CABLES1: variants seen among roughly 807,000 people sequenced by gnomAD.
CABLES1 encodes the protein CDK5 and ABL1 enzyme substrate 1.
Under a neutral mutation model 57.8 loss-of-function variants are expected in CABLES1, and 36 were observed. The ratio of observed to expected loss-of-function variants is 0.62; its 90% CI spans 0.48 to 0.82. The LOEUF is 0.82. Among genes scored for constraint, CABLES1 ranks in the 40% least tolerant of loss-of-function variants. CABLES1 has a pLI of 0.00. For synonymous variants in CABLES1, 374 were observed against 363.0 expected (o/e 1.03, Z -0.35); for missense variants, 767 against 836.6 (o/e 0.92, Z 1.03).
At chr18:23,180,168 G>T (rs1335831236) in intron 1 of CABLES1, among the ~76,000 whole-genome samples, 1 of 152,036 alleles carries the variant, frequency 6.6e-6, no homozygotes, top group Non-Finnish European at 1.5e-5. Context: ...TGATCCACCC[G>T]CCTCAGCCTC....
intron 1 of CABLES1, among the ~76,000 whole-genome samples, chr18:23,144,979 A>G (rs546755997): frequency 7.6e-5 from 11 of 144,366 alleles, no homozygotes; most frequent in African/African-American, 2.9e-4. Context: ...TCTGTTGCCC[A>G]GGCTGGAGTA....
chr18:23,165,497 T>A (rs1191210748), intron 1 of CABLES1, among the ~76,000 whole-genome samples: 1 of 152,114 alleles, frequency 6.6e-6, no homozygotes, highest in African/African-American at 2.4e-5. Flanking sequence ...AAACTGAAAC[T>A]CTGTGCGGGT....
At chr18:23,181,729 C>T (rs1044282554) in intron 1 of CABLES1, among the ~76,000 whole-genome samples, 19 of 152,142 alleles carry the variant, frequency 1.2e-4, no homozygotes, top group African/African-American at 4.6e-4. Flanking sequence ...CATGGCCCCT[C>T]CCAAGCAGCT....
At chr18:23,187,336 A>T (rs1452789594) in intron 1 of CABLES1, among the ~76,000 whole-genome samples, 2 of 152,206 alleles carry the variant, frequency 1.3e-5, no homozygotes, top group African/African-American at 4.8e-5. Context: ...TGAGGAGCTG[A>T]GAGTGTTCTA....
chr18:23,234,862 T>C (rs2145082405), intron 5 of CABLES1, among the ~76,000 whole-genome samples, 158 bp downstream of exon 5: 1 of 152,328 alleles, frequency 6.6e-6, no homozygotes, highest in Non-Finnish European at 1.5e-5. Flanking sequence ...GCTCCCCTAG[T>C]GTGCAGCCGG....
chr18:23,180,821 G>A (rs1191354217), intron 1 of CABLES1, among the ~76,000 whole-genome samples: 2 of 152,172 alleles, frequency 1.3e-5, no homozygotes, highest in African/African-American at 2.4e-5. Flanking sequence ...CATTTCAAGA[G>A]CAAAAGATTA....
intron 7 of CABLES1, among the ~76,000 whole-genome samples, chr18:23,246,425 T>G (rs373125156): frequency 3.3e-5 from 5 of 152,108 alleles, no homozygotes; most frequent in Admixed American, 2.0e-4. Flanking sequence ...GGAGTCTTGC[T>G]CTGTCGCCCA....
chr18:23,148,381 A>G (rs534438780), intron 1 of CABLES1, among the ~76,000 whole-genome samples: 1 of 152,222 alleles, frequency 6.6e-6, no homozygotes, highest in African/African-American at 2.4e-5. Context: ...GTTGGGTGCT[A>G]CGTGGGTGCC....
intron 3 of CABLES1, chr18:23,198,015 T>G (rs1353425539): frequency 6.6e-6 from 1 of 152,102 alleles, no homozygotes; most frequent in African/African-American, 2.4e-5. Context: ...CCGATAACTT[T>G]GGGAGGCTGA....
intron 1 of CABLES1, among the ~76,000 whole-genome samples, chr18:23,153,829 G>A (rs576507891): frequency 3.3e-5 from 5 of 152,236 alleles, no homozygotes; most frequent in African/African-American, 1.2e-4. Context: ...CTAGGAGTTT[G>A]AGACCAGCCT....
intron 1 of CABLES1, among the ~76,000 whole-genome samples, chr18:23,181,191 G>GA (rs1337908551): frequency 6.6e-6 from 1 of 152,028 alleles, no homozygotes; most frequent in Non-Finnish European, 1.5e-5. Context: ...ATGTATTAAA[G>GA]AAAGCGGCCC....
At chr18:23,227,503 C>G (rs1034568588) in intron 4 of CABLES1, among the ~76,000 whole-genome samples, 1 of 152,158 alleles carries the variant, frequency 6.6e-6, no homozygotes, top group African/African-American at 2.4e-5. Context: ...TCGATGGAGT[C>G]CTGAGTGGGA....
At chr18:23,137,723 C>A (rs1173617858) in intron 1 of CABLES1, among the ~76,000 whole-genome samples, 1 of 152,176 alleles carries the variant, frequency 6.6e-6, no homozygotes, top group Non-Finnish European at 1.5e-5. Flanking sequence ...GGGGGAAGAA[C>A]AGGCCCGCCT....
At chr18:23,179,237 G>T (rs2047146719) in intron 1 of CABLES1, among the ~76,000 whole-genome samples, 1 of 152,108 alleles carries the variant, frequency 6.6e-6, no homozygotes, top group Admixed American at 6.5e-5. Flanking sequence ...AGTGAGCCGA[G>T]ATCGCGCCAC....
intron 1 of CABLES1, among the ~76,000 whole-genome samples, chr18:23,159,006 GC>G (rs2046983877): frequency 6.6e-6 from 1 of 152,154 alleles, no homozygotes; most frequent in African/African-American, 2.4e-5. Flanking sequence ...TCGTTCAGTT[GC>G]CCAGGCTTGA....
intron 7 of CABLES1, among the ~76,000 whole-genome samples, chr18:23,250,486 C>G (rs906749949): frequency 6.6e-6 from 1 of 152,198 alleles, no homozygotes; most frequent in Non-Finnish European, 1.5e-5. Flanking sequence ...AATCTTACGT[C>G]CCCTTCAACC....
At chr18:23,230,530 TGAATCTG>T (rs1410548786) in intron 4 of CABLES1, among the ~76,000 whole-genome samples, 1 of 152,184 alleles carries the variant, frequency 6.6e-6, no homozygotes, top group Non-Finnish European at 1.5e-5. Flanking sequence ...AACCTCTCCC[TGAATCTG>T]AGGGAGGAAA....
At chr18:23,250,254 C>G (rs1311075523) in intron 7 of CABLES1, among the ~76,000 whole-genome samples, 1 of 152,202 alleles carries the variant, frequency 6.6e-6, no homozygotes, top group African/African-American at 2.4e-5. Flanking sequence ...TTACTTGAGC[C>G]TGCTCACATC....
In CABLES1 at chr18:23,235,940, G is replaced by T. The variant is rs1361898481; in HGVS notation, c.1231G>T (p.Ala411Ser). The T allele has an allele frequency of 1.2e-6, 2 of 1,614,196 alleles. No individual in the cohort carries two copies. The highest frequency in any genetic ancestry group is 1.7e-6 in the Non-Finnish European group (2 of 1,180,026). ...TCTGTTACCCACAAATGCCTTTGGA[G>T]CCCGGAGAAATACCATAGACTCCAC... ...QFLLPTNAFG[A>S]RRNTIDSTSS... The change falls in exon 6 of 10, where the codon GCC (alanine) becomes TCC (serine). Residue 411 changes from alanine (A) to serine (S), a missense_variant. By Grantham distance (99) the Ala-to-Ser change is moderately conservative. Transcript: ENST00000256925.
Sources: allele counts gnomAD v4.1 joint callset (sites outside exome capture counted in the v4.1 genomes callset), GRCh38; gene constraint gnomAD v4.1.1; transcripts MANE v1.5; gene names NCBI Gene and HGNC (gene_info 2026-07-23, HGNC 2026-07-21).